SUMF1: variants seen among roughly 807,000 people sequenced by gnomAD.
SUMF1 encodes the protein formylglycine-generating enzyme.
A neutral mutation model predicts 47.6 loss-of-function variants in SUMF1; 48 were observed. The ratio of observed to expected loss-of-function variants is 1.01; its 90% CI spans 0.80 to 1.28. SUMF1 has a LOEUF of 1.28. SUMF1 is among the 50% of genes most tolerant of loss of function. The pLI is 0.00. For synonymous variants in SUMF1, 230 were observed against 192.1 expected (o/e 1.20, Z -1.63); for missense variants, 571 against 485.4 (o/e 1.18, Z -1.66).
chr3:4,232,921 C>T (rs1178676654), intron 8 of SUMF1, among the ~76,000 whole-genome samples: 2 of 152,070 alleles, frequency 1.3e-5, no homozygotes, highest in East Asian at 3.9e-4. Flanking sequence ...CCTCCTTTTC[C>T]TCCCTCATCT....
intron 8 of SUMF1, among the ~76,000 whole-genome samples, chr3:4,293,946 G>C (rs1470368314): frequency 6.6e-6 from 1 of 152,212 alleles, no homozygotes; most frequent in Non-Finnish European, 1.5e-5. Flanking sequence ...GAAAGGCTTA[G>C]AAACATAAAT....
chr3:4,445,176 G>A (rs963902177), intron 3 of SUMF1, among the ~76,000 whole-genome samples: 1 of 152,124 alleles, frequency 6.6e-6, no homozygotes, highest in African/African-American at 2.4e-5. Context: ...TTCTAGTTGT[G>A]AAACTGGACT....
At chr3:4,444,859 T>C (rs1702725905) in intron 3 of SUMF1, among the ~76,000 whole-genome samples, 1 of 152,204 alleles carries the variant, frequency 6.6e-6, no homozygotes, top group African/African-American at 2.4e-5. Flanking sequence ...AAATACTGTT[T>C]TCTACTACAA....
intron 8 of SUMF1, among the ~76,000 whole-genome samples, chr3:4,246,533 C>T (rs779069241): frequency 2.5e-4 from 38 of 152,144 alleles, no homozygotes; most frequent in Non-Finnish European, 4.9e-4. Context: ...TCCTGAGCAG[C>T]TGGGACTACA....
chr3:4,465,846 G>A (rs182650579), intron 1 of SUMF1, among the ~76,000 whole-genome samples: 2 of 152,288 alleles, frequency 1.3e-5, no homozygotes, highest in East Asian at 3.9e-4. Flanking sequence ...ACTGAGGCAG[G>A]ATACGGAAAT....
At chr3:4,067,499 C>T (rs532851351) in intron 9 of SUMF1, among the ~76,000 whole-genome samples, 96 of 152,254 alleles carry the variant, frequency 6.3e-4, no homozygotes, top group African/African-American at 2.0e-3. Context: ...GCTAACTTGA[C>T]TATGTCATAC....
At chr3:4,466,201 T>C (rs1412979802) in intron 1 of SUMF1, among the ~76,000 whole-genome samples, 3 of 151,874 alleles carry the variant, frequency 2.0e-5, no homozygotes, top group Admixed American at 6.6e-5. Context: ...AACCTCCGCC[T>C]CCCGGGTTCC....
chr3:4,123,690 C>G (rs1274514510), intron 8 of SUMF1, among the ~76,000 whole-genome samples: 1 of 152,150 alleles, frequency 6.6e-6, no homozygotes, highest in Non-Finnish European at 1.5e-5. Context: ...GACCATTGTT[C>G]TGGTCCCAAT....
chr3:4,285,196 AT>A (rs1318798440), intron 8 of SUMF1, among the ~76,000 whole-genome samples: 1 of 152,212 alleles, frequency 6.6e-6, no homozygotes, highest in African/African-American at 2.4e-5. Flanking sequence ...TCTCCATAAA[AT>A]AACTTATGCT....
chr3:4,306,246 C>T (rs899115306), intron 8 of SUMF1, among the ~76,000 whole-genome samples: 23 of 152,028 alleles, frequency 1.5e-4, no homozygotes, highest in Admixed American at 1.4e-3. Context: ...ATGTGCCCGA[C>T]GTATTTTTTT....
In SUMF1 at chr3:4,269,080, A is replaced by T. The variant is rs559215930; in HGVS notation, c.1014+107250T>A. On this transcript the variant is annotated intron_variant and NMD_transcript_variant, in intron 8 of 12. Transcript: ENST00000448413. ...ACATACCTCTGGAAACACCACCCAG[A>T]TCAGTGATGATCCTTGCCTCATACT... is the stretch of plus-strand genomic sequence containing the variant. 3.9e-5 allele frequency among the ~76,000 whole-genome samples: 6 copies of T among 152,308 alleles called. No homozygotes were observed. The South Asian group carries it at 1.2e-3, about 32-fold the overall frequency.
intron 8 of SUMF1, among the ~76,000 whole-genome samples, chr3:4,174,530 C>T (rs1694913734): frequency 8.0e-6 from 1 of 124,256 alleles, no homozygotes; most frequent in African/African-American, 3.0e-5. Context: ...ATGGCAAAAC[C>T]CCCATCTCTA....
intron 8 of SUMF1, among the ~76,000 whole-genome samples, chr3:4,081,754 C>T (rs75030206): frequency 0.015 from 2,306 of 152,212 alleles, 30 homozygotes; most frequent in Non-Finnish European, 0.023. Context: ...CTTGACTAGC[C>T]TATAATCTCG....
At chr3:4,053,632 G>A (rs986548469) in intron 9 of SUMF1, among the ~76,000 whole-genome samples, 2 of 152,104 alleles carry the variant, frequency 1.3e-5, no homozygotes, top group African/African-American at 2.4e-5. Context: ...TCCCCCTAAA[G>A]AACCTCCACT....
At chr3:4,233,444 C>T (rs985351357) in intron 8 of SUMF1, among the ~76,000 whole-genome samples, 45 of 152,082 alleles carry the variant, frequency 3.0e-4, no homozygotes, top group Non-Finnish European at 3.8e-4. Context: ...GCTCTTCTTC[C>T]TATTCCATGA....
At chr3:4,082,356 C>G (rs577887464) in intron 8 of SUMF1, among the ~76,000 whole-genome samples, 36 of 152,090 alleles carry the variant, frequency 2.4e-4, no homozygotes, top group African/African-American at 8.2e-4. Context: ...GTGGTCCCAG[C>G]TACTCGAGAG....
intron 8 of SUMF1, among the ~76,000 whole-genome samples, chr3:4,126,938 G>A (rs1469235587): frequency 6.6e-6 from 1 of 152,018 alleles, no homozygotes; most frequent in Non-Finnish European, 1.5e-5. Context: ...CTTAAAAGAG[G>A]GTAAATGATT....
chr3:4,067,334 T>C (rs1029708881), intron 9 of SUMF1, among the ~76,000 whole-genome samples: 4 of 152,296 alleles, frequency 2.6e-5, no homozygotes, highest in East Asian at 1.9e-4. Context: ...TTTTGAGGCA[T>C]ATATACCATA....
intron 8 of SUMF1, among the ~76,000 whole-genome samples, chr3:4,089,419 T>C (rs1413729069): frequency 2.0e-5 from 3 of 152,072 alleles, no homozygotes; most frequent in Admixed American, 2.0e-4. Flanking sequence ...CTTGCTCTAT[T>C]AGAGAAATGT....
Sources: gnomAD v4.1 joint callset for allele counts (sites outside exome capture counted in the v4.1 genomes callset) on GRCh38, gnomAD v4.1.1 for gene constraint, MANE v1.5 for transcripts, NCBI Gene and HGNC (gene_info 2026-07-23, HGNC 2026-07-21) for gene names.